The following SYTL4 variants were observed in gnomAD, a reference collection of about 807,000 sequenced individuals.
SYTL4 encodes synaptotagmin-like protein 4.
A neutral mutation model predicts 52.7 loss-of-function variants in SYTL4; 16 were observed. The ratio of observed to expected loss-of-function variants is 0.30; its 90% CI spans 0.21 to 0.46. The LOEUF (loss-of-function observed/expected upper bound fraction) is 0.46. Ranked by LOEUF, SYTL4 falls within the 20% of genes least tolerant of loss-of-function variation. The pLI is 1.00. For missense variants in SYTL4, 423 were observed against 519.9 expected (o/e 0.81, Z 1.81); for synonymous variants, 160 against 186.6 (o/e 0.86, Z 1.16).
At chrX:100,698,232 A>T (rs908344560) in intron 8 of SYTL4, among the ~76,000 whole-genome samples, 2 of 110,105 alleles carry the variant, frequency 1.8e-5, no homozygotes, top group African/African-American at 6.6e-5. Flanking sequence ...TCTCCCCAGC[A>T]GCTGGGACTA....
At chrX:100,700,597 T>C (rs927588164) in intron 8 of SYTL4, among the ~76,000 whole-genome samples, 6 of 112,164 alleles carry the variant, frequency 5.3e-5, no homozygotes, top group African/African-American at 1.9e-4. Context: ...TGCTTAATAA[T>C]GAGCATGTGT....
intron 13 of SYTL4, 26 bp downstream of exon 13, chrX:100,688,325 G>A: frequency 1.7e-6 from 2 of 1,178,564 alleles, no homozygotes; most frequent in South Asian, 3.6e-5. Flanking sequence ...CAACATGCCT[G>A]TAACCACAGA....
chrX:100,722,839 C>T (rs1024723543), intron 2 of SYTL4, among the ~76,000 whole-genome samples: 2 of 111,519 alleles, frequency 1.8e-5, no homozygotes, highest in African/African-American at 6.5e-5. Context: ...TAGCTTTCTG[C>T]CTCACAGTTC....
chrX:100,696,542 C>A (rs2083709764), intron 8 of SYTL4, among the ~76,000 whole-genome samples: 1 of 111,610 alleles, frequency 9.0e-6, no homozygotes, highest in South Asian at 3.8e-4. Flanking sequence ...TCTATATTGT[C>A]TTTGGTGAAA....
At chrX:100,718,268 G>A (rs777926957) in intron 2 of SYTL4, among the ~76,000 whole-genome samples, 7 of 111,529 alleles carry the variant, frequency 6.3e-5, no homozygotes, top group South Asian at 3.8e-4. Context: ...GAAGGTCACC[G>A]TACCTCTCTG....
intron 19 of SYTL4, 114 bp downstream of exon 19, chrX:100,678,277 G>A (rs1268236319): frequency 1.9e-6 from 1 of 536,663 alleles, no homozygotes; most frequent in Non-Finnish European, 3.1e-6. Flanking sequence ...TAACTGAAAG[G>A]AAAGAAGACA....
At chrX:100,704,665 G>A (rs902931412) in intron 3 of SYTL4, 146 bp downstream of exon 3, 1 of 111,820 alleles carries the variant, frequency 8.9e-6, no homozygotes, top group African/African-American at 3.3e-5. Context: ...TTGATATCCA[G>A]GTAACTGGGC....
intron 2 of SYTL4, among the ~76,000 whole-genome samples, chrX:100,712,605 C>T (rs1447302172): frequency 8.9e-6 from 1 of 112,354 alleles, no homozygotes; most frequent in Non-Finnish European, 1.9e-5. Flanking sequence ...ACACGTAAAA[C>T]GTGATCCAGA....
At chrX:100,698,265 G>A (rs2083752334) in intron 8 of SYTL4, among the ~76,000 whole-genome samples, 1 of 110,046 alleles carries the variant, frequency 9.1e-6, no homozygotes, top group African/African-American at 3.3e-5. Context: ...ACCACGCCCG[G>A]CTAATTTTTT....
rs927954499 is a variant in SYTL4, at chrX:100,704,902, G to A, written c.-239-16C>T. The A allele has an allele frequency of 1.8e-5, 2 of 111,678 alleles. No homozygotes were observed. The highest frequency in any genetic ancestry group is 1.9e-4 in the Admixed American group (2 of 10,504). The allele number at this position is 111,678 out of a possible 1,213,427, so 9.2% of individuals were successfully genotyped here. On this transcript the variant is annotated splice_polypyrimidine_tract_variant and intron_variant, in intron 2 of 19. Coordinates refer to ENST00000372989, the MANE Select transcript of SYTL4 (RefSeq NM_001370165.1). ...TACTAGTTCCCTACAAAACAGTGGA[G>A]AACATAAACAACACGGCAAAGCTAT...
chrX:100,676,349 A>C (rs1213327841), intron 19 of SYTL4, among the ~76,000 whole-genome samples, 173 bp from the exon 20 acceptor site: 2 of 111,692 alleles, frequency 1.8e-5, no homozygotes, highest in East Asian at 5.6e-4. Context: ...CTCTGTCAAG[A>C]GACTCTGGGT....
rs758138996 is a variant in SYTL4 at position 100,714,258 on chromosome X, T to A, written c.-239-9372A>T. Among the ~76,000 whole-genome samples the A allele has an allele frequency of 1.5e-4, 14 of 94,615 alleles. 1 individual carries two copies. In the South Asian group the frequency reaches 7.1e-3, roughly 48 times the overall value. 82.2% of individuals were successfully genotyped at this position (94,615 alleles called of 115,157 possible). A position where few individuals can be genotyped will look rare whatever the true frequency, so the allele number is the denominator to read the frequency against. On this transcript the variant is annotated intron_variant, in intron 2 of 19. Coordinates refer to ENST00000372989, the MANE Select transcript of SYTL4 (RefSeq NM_001370165.1). ...AATTGAAACACTAAAATATTTTATG[T>A]CAAGATTTTTTTTTTTTTTTTGAGA...
At chrX:100,682,571 G>A (rs898396819) in intron 16 of SYTL4, among the ~76,000 whole-genome samples, 1 of 110,055 alleles carries the variant, frequency 9.1e-6, no homozygotes, top group Non-Finnish European at 1.9e-5. Context: ...AGCCGACGGG[G>A]TGGTGTGGGC....
At position 100,675,755 on chromosome X, in the gene SYTL4, G is replaced by T; in HGVS notation, c.*273C>A. 1 of 256,191 alleles carries T rather than the reference G, an allele frequency of 3.9e-6. No homozygotes were observed. Among genetic ancestry groups the T allele is most frequent in the Non-Finnish European group, 6.9e-6 (1 of 144,850 alleles). The allele number at this position is 256,191 out of a possible 1,213,427, so 21.1% of individuals were successfully genotyped here. Reference sequence around the variant, plus strand: ...ACCTTATAAAGACATAAGAAAAAATGGACTCTGAAAATAAACTAGATTATA... The same window carrying T: ...ACCTTATAAAGACATAAGAAAAAATTGACTCTGAAAATAAACTAGATTATA... On this transcript the variant is annotated 3_prime_UTR_variant, in exon 20 of 20. Transcript: ENST00000372989.
intron 2 of SYTL4, among the ~76,000 whole-genome samples, chrX:100,713,171 G>A (rs924742231): frequency 4.5e-5 from 5 of 112,333 alleles, no homozygotes; most frequent in African/African-American, 1.6e-4. Flanking sequence ...TAGGCCGGAC[G>A]TGGTGGCTCA....
chrX:100,690,018 C>A, intron 11 of SYTL4, 57 bp downstream of exon 11: 1 of 1,155,549 alleles, frequency 8.7e-7, no homozygotes, highest in South Asian at 1.8e-5. Flanking sequence ...ATACCAAGAG[C>A]CCATCAAGGG....
chrX:100,686,940 G>GGAA, intron 14 of SYTL4, 127 bp downstream of exon 14: 1 of 903,429 alleles, frequency 1.1e-6, no homozygotes. Flanking sequence ...CCCAATCCTG[G>GGAA]TTCTTTTCCT....
chrX:100,716,181 G>A (rs1181834322), intron 2 of SYTL4, among the ~76,000 whole-genome samples: 1 of 108,212 alleles, frequency 9.2e-6, no homozygotes, highest in African/African-American at 3.4e-5. Context: ...CGGGAGCGGT[G>A]GCTCACGTCT....
intron 2 of SYTL4, among the ~76,000 whole-genome samples, chrX:100,705,259 T>C (rs1003728942): frequency 1.8e-5 from 2 of 111,927 alleles, no homozygotes; most frequent in African/African-American, 6.5e-5. Context: ...TATTAACTAA[T>C]TTAATCCTTG....
Sources: gnomAD v4.1 joint callset for allele counts (sites outside exome capture counted in the v4.1 genomes callset) on GRCh38, gnomAD v4.1.1 for gene constraint, MANE v1.5 for transcripts, NCBI Gene and HGNC (gene_info 2026-07-23, HGNC 2026-07-21) for gene names.